Variants in SLC25A21 observed in about 807,000 individuals in gnomAD.
SLC25A21 encodes solute carrier family 25 member 21.
SLC25A21 carries 47 observed loss-of-function variants against 43.8 expected under a neutral mutation model. That is an observed-to-expected ratio of 1.07 (90% CI 0.85 to 1.37). The LOEUF (loss-of-function observed/expected upper bound fraction) is 1.37, where lower values mean the gene tolerates loss of function less well. Among genes scored for constraint, SLC25A21 ranks in the 40% most tolerant of loss-of-function variants. The pLI is 0.00. For synonymous variants in SLC25A21, 131 were observed against 121.3 expected (o/e 1.08, Z -0.52); for missense variants, 352 against 350.2 (o/e 1.00, Z -0.04).
chr14:37,075,954 C>T (rs1279490162), intron 1 of SLC25A21, among the ~76,000 whole-genome samples: 1 of 152,176 alleles, frequency 6.6e-6, no homozygotes, highest in Non-Finnish European at 1.5e-5. Flanking sequence ...CAGTTGGTGC[C>T]TCCAAATGAT....
At chr14:37,144,899 C>T (rs1482669754) in intron 1 of SLC25A21, among the ~76,000 whole-genome samples, 1 of 151,654 alleles carries the variant, frequency 6.6e-6, no homozygotes, top group Non-Finnish European at 1.5e-5. Context: ...TCCCAAAGTG[C>T]TGTGATTACA....
chr14:36,705,384 AG>A (rs1457087810), intron 7 of SLC25A21, among the ~76,000 whole-genome samples: 4 of 152,156 alleles, frequency 2.6e-5, no homozygotes, highest in Non-Finnish European at 4.4e-5. Context: ...CCGCAAACAT[AG>A]CCTTAGAATT....
At chr14:36,897,184 C>G (rs902918920) in intron 1 of SLC25A21, among the ~76,000 whole-genome samples, 3 of 152,204 alleles carry the variant, frequency 2.0e-5, no homozygotes, top group Non-Finnish European at 2.9e-5. Context: ...ACCAATCACA[C>G]GTAGATTTGG....
At chr14:36,942,032 T>G (rs1168824537) in intron 1 of SLC25A21, among the ~76,000 whole-genome samples, 1 of 152,126 alleles carries the variant, frequency 6.6e-6, no homozygotes, top group East Asian at 1.9e-4. Context: ...TTTGTTCTTA[T>G]GACTCCGGAA....
chr14:37,066,500 A>G (rs1962063391), intron 1 of SLC25A21, among the ~76,000 whole-genome samples: 1 of 152,144 alleles, frequency 6.6e-6, no homozygotes, highest in Non-Finnish European at 1.5e-5. Context: ...TTGTACTAAT[A>G]CTTTTTAAGT....
chr14:36,789,722 A>AATATATTTTATATATTTAT (rs1887379118), intron 3 of SLC25A21, among the ~76,000 whole-genome samples: 4 of 133,538 alleles, frequency 3.0e-5, no homozygotes, highest in African/African-American at 8.4e-5. Flanking sequence ...ATTTATATAT[A>AATATATTTTATATATTTAT]ATATATTTTA....
At chr14:36,728,000 T>G (rs767588623) in intron 5 of SLC25A21, among the ~76,000 whole-genome samples, 9 of 152,172 alleles carry the variant, frequency 5.9e-5, no homozygotes, top group Non-Finnish European at 1.3e-4. Context: ...TCTATAAAAC[T>G]CAGCTACATT....
chr14:36,990,266 T>G (rs1200907992), intron 1 of SLC25A21, among the ~76,000 whole-genome samples: 1 of 152,196 alleles, frequency 6.6e-6, no homozygotes, highest in Non-Finnish European at 1.5e-5. Flanking sequence ...AGCAAAGCCC[T>G]GTCAAGCTAT....
chr14:37,119,504 C>T lies in SLC25A21; in HGVS notation c.70+52777G>A, dbSNP rs527953497. 1.3e-4 allele frequency among the ~76,000 whole-genome samples: 20 copies of T among 151,996 alleles called. No individual in the cohort carries two copies. In the East Asian group the frequency reaches 3.5e-3, roughly 27 times the overall value. ...CCTGGGAGATGGAGGTTGCAGTAAG[C>T]CAAGATAGTGCCACTATACTCCAGC... On this transcript the variant is annotated intron_variant, in intron 1 of 9. Coordinates refer to ENST00000331299, the MANE Select transcript of SLC25A21 (RefSeq NM_030631.4).
At chr14:37,071,602 C>T (rs1200222230) in intron 1 of SLC25A21, among the ~76,000 whole-genome samples, 1 of 152,136 alleles carries the variant, frequency 6.6e-6, no homozygotes, top group Non-Finnish European at 1.5e-5. Flanking sequence ...AATCTATTTG[C>T]TATATATTCA....
chr14:36,681,403 A>G (rs1188664209), intron 9 of SLC25A21, among the ~76,000 whole-genome samples: 2 of 152,212 alleles, frequency 1.3e-5, no homozygotes, highest in Non-Finnish European at 2.9e-5. Context: ...GGCTGTGAAG[A>G]GACATGCTCT....
chr14:36,698,040 A>T (rs1386254797), intron 7 of SLC25A21, among the ~76,000 whole-genome samples: 1 of 152,172 alleles, frequency 6.6e-6, no homozygotes, highest in African/African-American at 2.4e-5. Flanking sequence ...ATGTTTTTGC[A>T]GTGGCTGGTA....
At chr14:36,886,184 C>A (rs2138575440) in intron 1 of SLC25A21, among the ~76,000 whole-genome samples, 1 of 152,166 alleles carries the variant, frequency 6.6e-6, no homozygotes, top group Admixed American at 6.5e-5. Flanking sequence ...AATGTAGTAG[C>A]CCTACTCAAT....
At chr14:36,924,347 T>TA (rs879549935) in intron 1 of SLC25A21, among the ~76,000 whole-genome samples, 28 of 152,192 alleles carry the variant, frequency 1.8e-4, no homozygotes, top group Admixed American at 5.9e-4. Context: ...TATGCAGCCA[T>TA]AAAAAATGAT....
At chr14:36,829,230 CT>C (rs1888946952) in intron 2 of SLC25A21, among the ~76,000 whole-genome samples, 1 of 152,094 alleles carries the variant, frequency 6.6e-6, no homozygotes, top group African/African-American at 2.4e-5. Flanking sequence ...GTTCCTTCCC[CT>C]GAGAGGTGAT....
At chr14:37,172,140 G>A (rs1964142214) in intron 1 of SLC25A21, 141 bp downstream of exon 1, 3 of 863,482 alleles carry the variant, frequency 3.5e-6, no homozygotes, top group African/African-American at 1.7e-5. Flanking sequence ...CGCCTCTAGG[G>A]GCTCAAGCAC....
intron 1 of SLC25A21, among the ~76,000 whole-genome samples, chr14:37,064,570 T>C (rs115639297): frequency 0.01 from 1,550 of 152,228 alleles, 19 homozygotes; most frequent in African/African-American, 0.036. Context: ...CAACTGTGAA[T>C]TGTGAATTCA....
chr14:36,725,535 A>T, intron 6 of SLC25A21, 35 bp downstream of exon 6: 1 of 852,386 alleles, frequency 1.2e-6, no homozygotes, highest in Non-Finnish European at 1.7e-6. Context: ...AAATTTTTAC[A>T]TGCCCCTAAC....
At chr14:36,905,653 A>C (rs1325741315) in intron 1 of SLC25A21, among the ~76,000 whole-genome samples, 1 of 151,514 alleles carries the variant, frequency 6.6e-6, no homozygotes, top group Non-Finnish European at 1.5e-5. Flanking sequence ...TTGGCCTCCT[A>C]GTTTGTTTTT....
Sources: gnomAD v4.1 joint callset for allele counts (sites outside exome capture counted in the v4.1 genomes callset) on GRCh38, gnomAD v4.1.1 for gene constraint, MANE v1.5 for transcripts, NCBI Gene and HGNC (gene_info 2026-07-23, HGNC 2026-07-21) for gene names.